LSAMP: variants seen among roughly 807,000 people sequenced by gnomAD.
The protein encoded by LSAMP is limbic system-associated membrane protein.
LSAMP carries 7 observed loss-of-function variants against 38.6 expected under a neutral mutation model. The observed-to-expected ratio is 0.18, with a 90% CI of 0.10 to 0.34. The LOEUF is 0.34. Among genes scored for constraint, LSAMP ranks in the 10% least tolerant of loss-of-function variants. The pLI, the probability that LSAMP is intolerant of heterozygous loss-of-function variation, is 1.00. For synonymous variants in LSAMP, 154 were observed against 166.8 expected, an observed-to-expected ratio of 0.92 and a Z score of 0.59; for missense variants, 313 against 420.0, an observed-to-expected ratio of 0.75 and a Z score of 2.23.
chr3:116,057,177 T>G (rs1941504936), intron 2 of LSAMP, among the ~76,000 whole-genome samples: 1 of 152,176 alleles, frequency 6.6e-6, no homozygotes, highest in Non-Finnish European at 1.5e-5. Flanking sequence ...AACTCTCACT[T>G]TGGATATTGC....
chr3:116,399,730 C>T (rs2048813631), intron 1 of LSAMP, among the ~76,000 whole-genome samples: 1 of 152,170 alleles, frequency 6.6e-6, no homozygotes, highest in Non-Finnish European at 1.5e-5. Context: ...TCCTTTTGAT[C>T]CACAAGTTTA....
chr3:116,407,944 T>C (rs1008713602), intron 1 of LSAMP, among the ~76,000 whole-genome samples: 2 of 152,048 alleles, frequency 1.3e-5, no homozygotes, highest in African/African-American at 2.4e-5. Context: ...TATTAAAATA[T>C]ACTATTATAG....
intron 2 of LSAMP, among the ~76,000 whole-genome samples, chr3:116,045,646 G>A (rs757691151): frequency 1.3e-5 from 2 of 150,380 alleles, no homozygotes; most frequent in Non-Finnish European, 3.0e-5. Context: ...TTTATAAAAA[G>A]TGAGAATTCT....
intron 1 of LSAMP, among the ~76,000 whole-genome samples, chr3:116,132,924 TAC>T (rs1220797928): frequency 6.6e-6 from 1 of 152,180 alleles, no homozygotes; most frequent in Non-Finnish European, 1.5e-5. Flanking sequence ...CACCATCTCC[TAC>T]ACCTCTTCCG....
chr3:116,167,725 A>G (rs1181218716), intron 1 of LSAMP, among the ~76,000 whole-genome samples: 1 of 152,246 alleles, frequency 6.6e-6, no homozygotes, highest in Non-Finnish European at 1.5e-5. Flanking sequence ...ACATTTTGGC[A>G]TATGCTATTC....
chr3:116,003,989 G>A (rs1478388969), intron 3 of LSAMP, among the ~76,000 whole-genome samples: 5 of 152,186 alleles, frequency 3.3e-5, no homozygotes, highest in Non-Finnish European at 5.9e-5. Flanking sequence ...GACGTAGTTA[G>A]TTGATGGTGC....
At chr3:115,943,488 C>A in intron 3 of LSAMP, among the ~76,000 whole-genome samples, 1 of 152,254 alleles carries the variant, frequency 6.6e-6, no homozygotes, top group South Asian at 2.1e-4. Context: ...TGCTCTGCTC[C>A]TATAGTTAGG....
At chr3:116,081,179 T>C (rs1481157062) in intron 2 of LSAMP, among the ~76,000 whole-genome samples, 1 of 152,022 alleles carries the variant, frequency 6.6e-6, no homozygotes, top group Non-Finnish European at 1.5e-5. Context: ...AAATGTAAAT[T>C]GGGGGCCGGC....
chr3:116,108,066 C>T (rs973654362), intron 1 of LSAMP, among the ~76,000 whole-genome samples: 10 of 151,734 alleles, frequency 6.6e-5, no homozygotes, highest in Non-Finnish European at 8.8e-5. Context: ...GGGATATTGG[C>T]ATTGAGCGGG....
intron 3 of LSAMP, among the ~76,000 whole-genome samples, chr3:115,854,443 C>A (rs1487888416): frequency 6.6e-6 from 1 of 151,404 alleles, no homozygotes; most frequent in South Asian, 2.1e-4. Context: ...CCACTGCGCC[C>A]GGCTAATTTT....
At chr3:115,991,111 T>C (rs1939654258) in intron 3 of LSAMP, among the ~76,000 whole-genome samples, 1 of 152,094 alleles carries the variant, frequency 6.6e-6, no homozygotes, top group Non-Finnish European at 1.5e-5. Flanking sequence ...AAAAAGTATT[T>C]TGTAAATGAA....
intron 1 of LSAMP, among the ~76,000 whole-genome samples, chr3:116,249,551 A>C (rs2046652298): frequency 6.6e-6 from 1 of 151,276 alleles, no homozygotes. Flanking sequence ...ACACCTGCCT[A>C]ATTTTTGTAT....
intron 3 of LSAMP, among the ~76,000 whole-genome samples, chr3:115,952,235 G>C (rs755540911): frequency 1.3e-5 from 2 of 152,152 alleles, no homozygotes; most frequent in Non-Finnish European, 2.9e-5. Context: ...CAGAGGAAAA[G>C]AAGTCATTAT....
intron 1 of LSAMP, among the ~76,000 whole-genome samples, chr3:116,334,092 A>C (rs1051108950): frequency 9.2e-5 from 14 of 152,034 alleles, no homozygotes; most frequent in Non-Finnish European, 1.5e-5. Context: ...AAATAAAAAA[A>C]ATTAGAAGTC....
intron 1 of LSAMP, among the ~76,000 whole-genome samples, chr3:116,209,938 T>C (rs913237923): frequency 6.6e-6 from 1 of 152,008 alleles, no homozygotes; most frequent in Non-Finnish European, 1.5e-5. Context: ...GTATATTTAG[T>C]AGAGACGGAG....
chr3:115,819,682 T>C (rs1192048178), intron 6 of LSAMP, among the ~76,000 whole-genome samples: 1 of 152,164 alleles, frequency 6.6e-6, no homozygotes, highest in African/African-American at 2.4e-5. Context: ...AATTCAGATA[T>C]GAAATATACA....
At chr3:115,869,111 G>A (rs953883961) in intron 3 of LSAMP, among the ~76,000 whole-genome samples, 3 of 152,024 alleles carry the variant, frequency 2.0e-5, no homozygotes, top group East Asian at 1.9e-4. Context: ...CAATGGTTAC[G>A]CTAAAATAAA....
intron 3 of LSAMP, among the ~76,000 whole-genome samples, chr3:115,919,598 T>C (rs1937335521): frequency 6.6e-6 from 1 of 152,110 alleles, no homozygotes; most frequent in African/African-American, 2.4e-5. Context: ...TATGAAACTG[T>C]GACAAAACAG....
chr3:115,815,219 TGTA>T (rs764940597), intron 6 of LSAMP, among the ~76,000 whole-genome samples: 7 of 152,316 alleles, frequency 4.6e-5, no homozygotes, highest in Non-Finnish European at 8.8e-5. Flanking sequence ...TTATTATTAT[TGTA>T]GTTAATCTCT....
Sources: allele counts gnomAD v4.1 joint callset (sites outside exome capture counted in the v4.1 genomes callset), GRCh38; gene constraint gnomAD v4.1.1; transcripts MANE v1.5; gene names NCBI Gene and HGNC (gene_info 2026-07-23, HGNC 2026-07-21).